Variants in RNF144A observed in about 807,000 individuals in gnomAD.
The protein encoded by RNF144A is ring finger protein 144A, also known as E3 ubiquitin-protein ligase RNF144A.
RNF144A carries 11 observed loss-of-function variants against 38.7 expected under a neutral mutation model. The observed-to-expected ratio is 0.28, with a 90% CI of 0.18 to 0.47. The LOEUF (loss-of-function observed/expected upper bound fraction) is 0.47. RNF144A is among the 20% of genes least tolerant of loss of function. The pLI is 0.99. For missense variants in RNF144A, 316 were observed against 377.2 expected, an observed-to-expected ratio of 0.84 and a Z score of 1.34; for synonymous variants, 149 against 143.9, an observed-to-expected ratio of 1.04 and a Z score of -0.25.
In RNF144A at chr2:6,917,845, T is replaced by C. The variant is rs1334264383; in HGVS notation, c.-212+223T>C. 6.6e-6 allele frequency among the ~76,000 whole-genome samples: 1 copy of C among 150,714 alleles called. No homozygotes were observed. The highest frequency in any genetic ancestry group is 1.5e-5 in the Non-Finnish European group (1 of 67,528). ...GAGGACGCCCGCCCTGCCCTGCCCG[T>C]GTCCCTGACCTCGTCCCTGCTCTGC... On this transcript the variant is annotated intron_variant, in intron 1 of 8. Coordinates refer to ENST00000320892, the MANE Select transcript of RNF144A (RefSeq NM_014746.6). The surrounding 1 kb of genome is among the most constrained non-coding windows in gnomAD (Gnocchi z 4.8).
At chr2:7,070,440 A>G (rs1674424395), downstream of RNF144A, among the ~76,000 whole-genome samples, 2 of 152,322 alleles carry the variant, frequency 1.3e-5, no homozygotes, top group South Asian at 4.1e-4. Flanking sequence ...AAACACTGTG[A>G]CTGCTTTGAA....
chr2:6,950,245 AT>A (rs1485506904), intron 2 of RNF144A, among the ~76,000 whole-genome samples: 1 of 152,152 alleles, frequency 6.6e-6, no homozygotes, highest in Non-Finnish European at 1.5e-5. Context: ...TTTCCTTGCT[AT>A]TTTAAGCGTT....
chr2:6,940,239 AT>A (rs1405095403), intron 1 of RNF144A, among the ~76,000 whole-genome samples: 2 of 152,110 alleles, frequency 1.3e-5, no homozygotes, highest in African/African-American at 2.4e-5. Flanking sequence ...GGCTTCTTTA[AT>A]TTCTTTTAAT....
chr2:7,037,238 A>ACC (rs978203250), intron 8 of RNF144A, among the ~76,000 whole-genome samples: 3 of 152,194 alleles, frequency 2.0e-5, no homozygotes, highest in Non-Finnish European at 4.4e-5. Context: ...AATTGGCAAT[A>ACC]CGTTGGGTAA....
At chr2:7,023,959 C>T (rs541256517) in intron 6 of RNF144A, among the ~76,000 whole-genome samples, 1 of 152,296 alleles carries the variant, frequency 6.6e-6, no homozygotes, top group East Asian at 1.9e-4. Flanking sequence ...TTTCTTATAA[C>T]AGCAAAGTAC....
intron 2 of RNF144A, among the ~76,000 whole-genome samples, chr2:6,995,754 T>A (rs1345294374): frequency 4.6e-5 from 7 of 151,944 alleles, no homozygotes; most frequent in Non-Finnish European, 8.8e-5. Flanking sequence ...TGAGGGTGGG[T>A]CGGCCTCTCC....
Position 6,958,153 on chromosome 2 carries a change from C to T in RNF144A, c.-12+17006C>T, listed in dbSNP as rs1485734138. Among the ~76,000 whole-genome samples, 1 of 152,218 alleles carries T rather than the reference C, an allele frequency of 6.6e-6. No homozygotes were observed. The highest frequency in any genetic ancestry group is 2.1e-4 in the South Asian group (1 of 4,832). ...GTCATGCGCAGCCACCATGGGGCAC[C>T]GGGCGTGCTGTCTCTTCCTGGAAGG... On this transcript the variant is annotated intron_variant, in intron 2 of 8. Coordinates refer to ENST00000320892, the MANE Select transcript of RNF144A (RefSeq NM_014746.6). The surrounding 1 kb of genome is among the most constrained non-coding windows in gnomAD (Gnocchi z 4.5).
In RNF144A at chr2:7,041,292, T is replaced by A; in HGVS notation, c.*1532T>A. The stretch of plus-strand genomic sequence containing the variant: ...TCTGCATTTGAGTATCAGTCTCAGG[T>A]CCTAGTTTACTTTCCCTGGTTGGAA... On this transcript the variant is annotated 3_prime_UTR_variant, in exon 9 of 9. Coordinates refer to ENST00000320892, the MANE Select transcript of RNF144A (RefSeq NM_014746.6). 3.0e-6 allele frequency: 3 copies of A among 985,828 alleles called. No homozygotes were observed. Among genetic ancestry groups the A allele is most frequent in the Non-Finnish European group, 3.6e-6 (3 of 829,942 alleles). The allele number at this position is 985,828 out of a possible 1,614,324, so 61.1% of individuals were successfully genotyped here. A position where few individuals can be genotyped will look rare whatever the true frequency, so the allele number is the denominator to read the frequency against.
At chr2:6,939,523 G>A (rs1665828499) in intron 1 of RNF144A, among the ~76,000 whole-genome samples, 1 of 152,114 alleles carries the variant, frequency 6.6e-6, no homozygotes, top group Admixed American at 6.6e-5. Context: ...CATTCTGTGG[G>A]TTGTCTTTTT....
intron 2 of RNF144A, among the ~76,000 whole-genome samples, chr2:6,963,550 A>G (rs1460140030): frequency 6.6e-6 from 1 of 152,194 alleles, no homozygotes; most frequent in Non-Finnish European, 1.5e-5. Context: ...CTTAGTTGCC[A>G]TTTACCTAAG....
intron 1 of RNF144A, among the ~76,000 whole-genome samples, chr2:6,933,616 T>C (rs1245593966): frequency 6.6e-6 from 1 of 151,562 alleles, no homozygotes; most frequent in Non-Finnish European, 1.5e-5. Flanking sequence ...AAAACAACTT[T>C]GAAAGGAAAA....
intron 6 of RNF144A, among the ~76,000 whole-genome samples, chr2:7,067,848 C>G (rs759042315): frequency 1.3e-5 from 2 of 152,162 alleles, no homozygotes; most frequent in East Asian, 3.9e-4. Flanking sequence ...AGAACTCCCC[C>G]ACCCTTGATA....
At chr2:7,051,175 G>T (rs1289747124) in intron 6 of RNF144A, among the ~76,000 whole-genome samples, 2 of 152,166 alleles carry the variant, frequency 1.3e-5, no homozygotes, top group East Asian at 3.8e-4. Flanking sequence ...TTGGGGTCGG[G>T]GATGGAGAGA....
intron 2 of RNF144A, among the ~76,000 whole-genome samples, chr2:6,972,235 A>G (rs1300312707): frequency 6.6e-6 from 1 of 152,050 alleles, no homozygotes; most frequent in Non-Finnish European, 1.5e-5. Context: ...GTGGGCACAC[A>G]CTCAGTCATT....
intron 2 of RNF144A, among the ~76,000 whole-genome samples, chr2:6,975,909 G>A (rs1375949029): frequency 1.3e-5 from 2 of 152,248 alleles, no homozygotes; most frequent in African/African-American, 4.8e-5. Flanking sequence ...GATATATGCT[G>A]TTCTATGCTT....
chr2:7,069,495 C>T (rs1194074464), downstream of RNF144A, among the ~76,000 whole-genome samples: 1 of 152,132 alleles, frequency 6.6e-6, no homozygotes, highest in Admixed American at 6.5e-5. Context: ...CTTTCCATCC[C>T]CTGTCTCTTT....
At chr2:6,994,183 T>C (rs1669572660) in intron 2 of RNF144A, among the ~76,000 whole-genome samples, 1 of 152,094 alleles carries the variant, frequency 6.6e-6, no homozygotes, top group Admixed American at 6.6e-5. Flanking sequence ...TTTTTCAACA[T>C]TGTCAAAAAA....
Position 7,042,265 on chromosome 2 carries a change from C to G in RNF144A, c.*2505C>G. The stretch of plus-strand genomic sequence containing the variant: ...CTTGATGTAAAATGGAAATAGCACA[C>G]AGGCAGATGGCCCTGGGTTTGGACT... On this transcript the variant is annotated 3_prime_UTR_variant, in exon 9 of 9. Transcript: ENST00000320892. The G allele has an allele frequency of 2.0e-6, 2 of 985,444 alleles. No homozygotes were observed. Among genetic ancestry groups the G allele is most frequent in the Non-Finnish European group, 2.4e-6 (2 of 829,950 alleles). 61.0% of individuals were successfully genotyped at this position (985,444 alleles called of 1,614,324 possible).
chr2:7,030,257 CTGTGTG>C (rs58324246), intron 8 of RNF144A, 42 bp downstream of exon 8: 94,195 of 720,400 alleles, frequency 0.13, 3,619 homozygotes, highest in Middle Eastern at 0.16. Flanking sequence ...CAGAGAGAGA[CTGTGTG>C]TGTGTGTGTG....
Sources: gnomAD v4.1 joint callset for allele counts (sites outside exome capture counted in the v4.1 genomes callset) on GRCh38, gnomAD v4.1.1 for gene constraint, Gnocchi (gnomAD v3.1) non-coding constraint, MANE v1.5 for transcripts, NCBI Gene and HGNC (gene_info 2026-07-23, HGNC 2026-07-21) for gene names.